The following USP11 variants were observed in gnomAD, a reference collection of about 807,000 sequenced individuals.
The protein encoded by USP11 is ubiquitin specific peptidase 11.
Under a neutral mutation model 72.8 loss-of-function variants are expected in USP11, and 5 were observed. The observed-to-expected ratio is 0.07, with a 90% CI of 0.04 to 0.14. USP11 has a LOEUF of 0.14. Ranked by LOEUF, USP11 falls within the 10% of genes least tolerant of loss-of-function variation. The pLI, the probability that USP11 is intolerant of heterozygous loss-of-function variation, is 1.00. For missense variants in USP11, 480 were observed against 794.7 expected (o/e 0.60, Z 4.76); for synonymous variants, 368 against 326.5 (o/e 1.13, Z -1.37).
intron 1 of USP11, among the ~76,000 whole-genome samples, chrX:47,238,613 C>T (rs1009176828): frequency 9.7e-6 from 1 of 103,230 alleles, no homozygotes; most frequent in Non-Finnish European, 2.0e-5. Flanking sequence ...AAATCTAGTT[C>T]TTAGCTGAAG....
In USP11 at chrX:47,247,168, C is replaced by G. The variant is rs1051681588; in HGVS notation, c.2367C>G (p.Ser789=). ...TCATCATCCACCTGAAACGCTTTTC[C>G]TACACCAAGTTCTCCCGAGAGAAGC... is the stretch of plus-strand genomic sequence containing the variant. ...EILIIHLKRF[S]YTKFSREKLD... Residue 789 remains serine (S), a synonymous_variant, in exon 18 of 21, where the codon TCC becomes TCG. Transcript: ENST00000377107. 3.3e-6 allele frequency: 4 copies of G among 1,209,581 alleles called. No homozygotes were observed. The highest frequency in any genetic ancestry group is 1.8e-5 in the African/African-American group (1 of 56,958).
chrX:47,242,899 C>T (rs1383091463), intron 12 of USP11, among the ~76,000 whole-genome samples, 179 bp downstream of exon 12: 1 of 112,030 alleles, frequency 8.9e-6, no homozygotes, highest in African/African-American at 3.2e-5. Flanking sequence ...TCACTTGAAC[C>T]CGAGAGGTTC....
chrX:47,245,199 C>A, intron 16 of USP11, 113 bp downstream of exon 16: 1 of 1,044,592 alleles, frequency 9.6e-7, no homozygotes, highest in Non-Finnish European at 1.3e-6. Flanking sequence ...CCAGGTCAAG[C>A]TTGGCCTTGG....
chrX:47,235,703 A>G (rs941381216), intron 1 of USP11, among the ~76,000 whole-genome samples: 2 of 110,688 alleles, frequency 1.8e-5, no homozygotes, highest in Non-Finnish European at 3.8e-5. Context: ...AGGTTTACTC[A>G]CTACAGAGTT....
intron 3 of USP11, 124 bp from the exon 4 acceptor site, chrX:47,239,665 GA>G: frequency 1.0e-6 from 1 of 970,010 alleles, no homozygotes; most frequent in African/African-American, 1.9e-5. Context: ...TCTCTTTACA[GA>G]CCATTGTATA....
intron 9 of USP11, 100 bp downstream of exon 9, chrX:47,241,799 T>C (rs17327529): frequency 0.17 from 168,519 of 1,008,236 alleles, 11,349 homozygotes; most frequent in Non-Finnish European, 0.19. Context: ...CACCATTTTC[T>C]GTTAAGTTTC....
At position 47,248,268 on chromosome X, in the gene USP11, T is replaced by C. The variant is rs2055448276; in HGVS notation, c.*338T>C. The C allele has an allele frequency of 4.3e-6, 1 of 233,009 alleles. No individual in the cohort carries two copies. The highest frequency in any genetic ancestry group is 8.3e-5 in the South Asian group (1 of 11,986). 19.2% of individuals were successfully genotyped at this position (233,009 alleles called of 1,213,427 possible). Reference sequence around the variant, plus strand: ...CACCTGAACACAGAGTGTATTTTCTTATTGAGGCCCTGTACCTTCTGCTGT... The same window carrying C: ...CACCTGAACACAGAGTGTATTTTCTCATTGAGGCCCTGTACCTTCTGCTGT... On this transcript the variant is annotated 3_prime_UTR_variant, in exon 21 of 21. Coordinates refer to ENST00000377107, the MANE Select transcript of USP11 (RefSeq NM_001371072.1).
chrX:47,242,117 G>A lies in USP11; in HGVS notation c.1215G>A (p.Arg405=), dbSNP rs1425562711. 6 of 1,210,750 alleles carry A rather than the reference G, an allele frequency of 5.0e-6. No individual in the cohort carries two copies. Among genetic ancestry groups the A allele is most frequent in the Non-Finnish European group, 6.7e-6 (6 of 895,057 alleles). ...AGGAGGCATGGCAAAACCACAAACG[G>A]CGGAACGATTCTGTGATCGTGGACA... is the stretch of plus-strand genomic sequence containing the variant. ...VAQEAWQNHK[R]RNDSVIVDTF... The change falls in exon 10 of 21, where the codon CGG becomes CGA. Residue 405 remains arginine, a synonymous_variant. Coordinates refer to ENST00000377107, the MANE Select transcript of USP11 (RefSeq NM_001371072.1).
chrX:47,234,103 G>A (rs1416554360), intron 1 of USP11, among the ~76,000 whole-genome samples: 1 of 111,765 alleles, frequency 8.9e-6, no homozygotes, highest in Non-Finnish European at 1.9e-5. Context: ...TTCTCGCCGA[G>A]TTGCATCTCG....
chrX:47,243,491 A>G lies in USP11; in HGVS notation c.1679A>G (p.Tyr560Cys). 8.3e-7 allele frequency: 1 copy of G among 1,211,695 alleles called. No homozygotes were observed. Among genetic ancestry groups the G allele is most frequent in the Non-Finnish European group, 1.1e-6 (1 of 895,501 alleles). The change falls in exon 13 of 21, where the codon TAC (tyrosine) becomes TGC (cysteine). Residue 560 changes from tyrosine to cysteine, a missense_variant. Tyr to Cys is a radical substitution (Grantham distance 194). Coordinates refer to ENST00000377107, the MANE Select transcript of USP11 (RefSeq NM_001371072.1). ...YLRERTPARD[Y>C]NNSYYGLMLF... is the part of the protein sequence containing the mutation. ...CGGGAGCGCACCCCTGCCCGTGACT[A>G]CAACAACTCCTACTACGGCCTGATG...
rs1020121445 is a variant in USP11 at position 47,248,036 on chromosome X, G to A, written c.*106G>A. The A allele has an allele frequency of 4.8e-6, 5 of 1,048,278 alleles. No homozygotes were observed. Among genetic ancestry groups the A allele is most frequent in the Non-Finnish European group, 6.3e-6 (5 of 795,967 alleles). 86.4% of individuals were successfully genotyped at this position (1,048,278 alleles called of 1,213,427 possible). On this transcript the variant is annotated 3_prime_UTR_variant, in exon 21 of 21. Coordinates refer to ENST00000377107, the MANE Select transcript of USP11 (RefSeq NM_001371072.1). ...TATTCGTGTTAGGTGCCCCCGCCAG[G>A]CATTGCAGGCTTAGTCGTGGCTACT...
Position 47,244,568 on chromosome X carries a change from C to CA in USP11, c.1843+19dup, listed in dbSNP as rs1490350586. The CA allele has an allele frequency of 8.3e-7, 1 of 1,210,656 alleles. No homozygotes were observed. The highest frequency in any genetic ancestry group is 1.1e-6 in the Non-Finnish European group (1 of 895,016). On this transcript the variant is annotated intron_variant, in intron 14 of 20. Transcript: ENST00000377107. Reference sequence around the variant, plus strand: ...TGAGAAAGGTGAGGGGGCTAACAGTCAGTGGGCGGGGGCTCTGGGTTAGGT... The same window carrying CA: ...TGAGAAAGGTGAGGGGGCTAACAGTCAAGTGGGCGGGGGCTCTGGGTTAGGT...
intron 1 of USP11, among the ~76,000 whole-genome samples, chrX:47,238,019 A>T (rs2147349897): frequency 9.0e-6 from 1 of 111,141 alleles, no homozygotes; most frequent in East Asian, 2.8e-4. Flanking sequence ...TATAAGTTTC[A>T]CCTTTAAAAG....
chrX:47,245,940 C>G (rs922595587), intron 17 of USP11, among the ~76,000 whole-genome samples: 1 of 111,379 alleles, frequency 9.0e-6, no homozygotes, highest in Non-Finnish European at 1.9e-5. Flanking sequence ...GACTCCTACC[C>G]CAGAGCCTTG....
At position 47,240,427 on chromosome X, in the gene USP11, G is replaced by A. The variant is rs2055396238; in HGVS notation, c.658G>A (p.Asp220Asn). The A allele has an allele frequency of 2.5e-6, 3 of 1,211,882 alleles. No individual in the cohort carries two copies. The highest frequency in any genetic ancestry group is 3.0e-5 in the East Asian group (1 of 33,842). Residue 220 changes from aspartate to asparagine, a missense_variant, in exon 5 of 21, where the codon GAT becomes AAT. Asp to Asn is a conservative substitution (Grantham distance 23, BLOSUM62 1). Coordinates refer to ENST00000377107, the MANE Select transcript of USP11 (RefSeq NM_001371072.1). ...RLYDTHITVL[D>N]AALETGQLII... is the part of the protein sequence containing the mutation. ...GTATGACACACACATCACGGTTCTC[G>A]ATGCGGCCCTTGAGACTGGGCAGGT...
intron 4 of USP11, among the ~76,000 whole-genome samples, 190 bp downstream of exon 4, chrX:47,240,097 G>A (rs1023913177): frequency 1.8e-5 from 2 of 111,898 alleles, no homozygotes; most frequent in African/African-American, 6.5e-5. Flanking sequence ...GGGTATGTGA[G>A]CTACATTCTA....
At chrX:47,242,602 C>T (rs1323292252) in intron 11 of USP11, 24 bp from the exon 12 acceptor site, 8 of 1,202,393 alleles carry the variant, frequency 6.7e-6, no homozygotes, top group South Asian at 1.8e-5. Flanking sequence ...GACTAACAGT[C>T]CCCTCTCCAT....
rs2055415171 is a variant in USP11, at chrX:47,243,547, C to G, written c.1735C>G (p.Pro579Ala). The change falls in exon 13 of 21, where the codon CCC becomes GCC. Residue 579 changes from proline to alanine, a missense_variant. This residue lies in a region of USP11 where 314 missense variants were observed against 556.0 expected (regional missense o/e 0.56). Coordinates refer to ENST00000377107, the MANE Select transcript of USP11 (RefSeq NM_001371072.1). ...TGGACACCCCCTCCTGGTATCAGTG[C>G]CCCGGGACCGCTTCACCTGGGAGGG... is the stretch of plus-strand genomic sequence containing the variant. The part of the protein sequence containing the change: ...LFGHPLLVSV[P>A]RDRFTWEGLY... 8.3e-7 allele frequency: 1 copy of G among 1,211,963 alleles called. No homozygotes were observed. The highest frequency in any genetic ancestry group is 1.1e-6 in the Non-Finnish European group (1 of 895,542).
chrX:47,236,843 A>G (rs992190760), intron 1 of USP11, among the ~76,000 whole-genome samples: 4 of 112,180 alleles, frequency 3.6e-5, no homozygotes, highest in African/African-American at 1.3e-4. Context: ...CCAGCTGTAA[A>G]TATAATAATT....
Sources: gnomAD v4.1 joint callset for allele counts (sites outside exome capture counted in the v4.1 genomes callset) on GRCh38, gnomAD v4.1.1 for gene constraint, gnomAD v4.1.1 regional missense constraint, MANE v1.5 for transcripts, NCBI Gene and HGNC (gene_info 2026-07-23, HGNC 2026-07-21) for gene names.